Variants in SDK1 observed in about 807,000 individuals in gnomAD.
The protein encoded by SDK1 is sidekick cell adhesion molecule 1, also known as protein sidekick-1.
SDK1 carries 157 observed loss-of-function variants against 245.5 expected under a neutral mutation model. The observed-to-expected ratio is 0.64, with a 90% confidence interval of 0.56 to 0.73. The LOEUF is 0.73. SDK1 is among the 30% of genes least tolerant of loss of function. The probability of loss-of-function intolerance (pLI) is 0.00; values close to 1 mark genes in which losing one functional copy is unlikely to be tolerated. For synonymous variants in SDK1, 1,647 were observed against 1,278.5 expected (o/e 1.29, Z -6.15); for missense variants, 3,583 against 3,002.3 (o/e 1.19, Z -4.52).
Position 3,494,232 on chromosome 7 carries a change from C to A in SDK1, c.299-124848C>A, listed in dbSNP as rs73309923. Among the ~76,000 whole-genome samples, 1,284 of 152,158 alleles carry A rather than the reference C, an allele frequency of 8.4e-3. 23 individuals are homozygous for A. The highest frequency in any genetic ancestry group is 0.029 in the African/African-American group (1,208 of 41,490). Reference sequence around the variant, plus strand: ...GAGCTTTTATTTTGAGTCAGTGTTTCTATTTTATATATAGTTTTAATAACT... The same window carrying A: ...GAGCTTTTATTTTGAGTCAGTGTTTATATTTTATATATAGTTTTAATAACT... On this transcript the variant is annotated intron_variant, in intron 1 of 44. Transcript: ENST00000404826.
intron 14 of SDK1, among the ~76,000 whole-genome samples, chr7:3,996,600 T>C (rs990795420): frequency 3.9e-5 from 6 of 152,218 alleles, no homozygotes; most frequent in African/African-American, 1.4e-4. Context: ...TTTTGACTCA[T>C]TGCTACTGTA....
intron 1 of SDK1, among the ~76,000 whole-genome samples, chr7:3,356,299 G>C (rs1780792872): frequency 6.6e-6 from 1 of 152,266 alleles, no homozygotes; most frequent in Non-Finnish European, 1.5e-5. Flanking sequence ...GCATAAAGCA[G>C]ATGTACAGTT....
At chr7:3,713,525 T>TAAAAAAA (rs1785109494) in intron 4 of SDK1, among the ~76,000 whole-genome samples, 1 of 152,224 alleles carries the variant, frequency 6.6e-6, no homozygotes, top group Non-Finnish European at 1.5e-5. Flanking sequence ...CCCGCAGCAC[T>TAAAAAAA]GGCTTTTCTG....
rs1779696782 is a variant in SDK1, at chr7:3,317,626, A to T, written c.298+15742A>T. On this transcript the variant is annotated intron_variant, in intron 1 of 44. Transcript: ENST00000404826. ...CGTTTTTTCCTTCCCTACCTGTATT[A>T]AGATTTTCTACTTGCAGACTCTTCT... Among the ~76,000 whole-genome samples, 3 of 152,060 alleles carry T rather than the reference A, an allele frequency of 2.0e-5. No individual in the cohort carries two copies. In the South Asian group the frequency reaches 6.2e-4, roughly 32 times the overall value.
chr7:3,670,857 A>G (rs1237080371), intron 4 of SDK1, among the ~76,000 whole-genome samples: 4 of 152,220 alleles, frequency 2.6e-5, no homozygotes, highest in African/African-American at 9.6e-5. Flanking sequence ...GGTTTGTGAA[A>G]TAAATTAGAT....
intron 1 of SDK1, among the ~76,000 whole-genome samples, chr7:3,496,918 G>T (rs1288181741): frequency 6.6e-6 from 1 of 152,096 alleles, no homozygotes; most frequent in East Asian, 1.9e-4. Flanking sequence ...GAGGTCACCT[G>T]ATTTAATTGT....
At chr7:3,564,287 G>C (rs555936677) in intron 1 of SDK1, among the ~76,000 whole-genome samples, 1 of 152,100 alleles carries the variant, frequency 6.6e-6, no homozygotes, top group East Asian at 1.9e-4. Flanking sequence ...TTCTTTGAAA[G>C]ATAAGATAGA....
chr7:4,022,451 C>T lies in SDK1; in HGVS notation c.2602+5099C>T, dbSNP rs1786973212. On this transcript the variant is annotated intron_variant, in intron 17 of 44. Transcript: ENST00000404826. ...TGCCCGGGAAAGATGGTGCAGCGTG[C>T]GCTACCATTAGGCGGGTGTGGAACT... 2.6e-5 allele frequency among the ~76,000 whole-genome samples: 4 copies of T among 152,084 alleles called. No homozygotes were observed. In the South Asian group the frequency reaches 6.2e-4, roughly 24 times the overall value.
Position 3,890,305 on chromosome 7 carries a change from T to C in SDK1, c.848-60618T>C, listed in dbSNP as rs541260260. On this transcript the variant is annotated intron_variant, in intron 5 of 44. Coordinates refer to ENST00000404826, the MANE Select transcript of SDK1 (RefSeq NM_152744.4). ...TACAATGTGGTACAATCCAAATTGA[T>C]ACGTGCTATGTGTGAAATACACAGC... Among the ~76,000 whole-genome samples, 26 of 152,362 alleles carry C rather than the reference T, an allele frequency of 1.7e-4. No homozygotes were observed. The East Asian group carries it at 4.8e-3, about 28-fold the overall frequency.
intron 1 of SDK1, among the ~76,000 whole-genome samples, chr7:3,313,646 G>C (rs1449753964): frequency 6.6e-6 from 1 of 152,180 alleles, no homozygotes; most frequent in East Asian, 1.9e-4. Context: ...CAGATTAACG[G>C]ATTAGCGAGA....
At chr7:3,915,178 G>C (rs1779326531) in intron 5 of SDK1, among the ~76,000 whole-genome samples, 1 of 152,196 alleles carries the variant, frequency 6.6e-6, no homozygotes, top group Non-Finnish European at 1.5e-5. Context: ...AGCAGGGGTA[G>C]GATGAGCCAG....
At chr7:3,442,954 G>A (rs1340176207) in intron 1 of SDK1, among the ~76,000 whole-genome samples, 2 of 152,072 alleles carry the variant, frequency 1.3e-5, no homozygotes, top group East Asian at 3.8e-4. Context: ...CTCCCAAGAA[G>A]CCTGCTCTAT....
At chr7:4,230,665 AG>A (rs1785704045) in intron 40 of SDK1, among the ~76,000 whole-genome samples, 1 of 150,930 alleles carries the variant, frequency 6.6e-6, no homozygotes, top group Non-Finnish European at 1.5e-5. Context: ...TGATAGCTGG[AG>A]GGAAGGAAGG....
At chr7:4,122,935 C>G (rs1784160779) in intron 25 of SDK1, among the ~76,000 whole-genome samples, 2 of 152,168 alleles carry the variant, frequency 1.3e-5, no homozygotes, top group African/African-American at 4.8e-5. Flanking sequence ...CTGAACTCTG[C>G]CATTTTCTTT....
intron 35 of SDK1, among the ~76,000 whole-genome samples, chr7:4,199,744 C>G (rs1193232138): frequency 6.6e-6 from 1 of 152,206 alleles, no homozygotes; most frequent in Non-Finnish European, 1.5e-5. Context: ...CAGCCCCTCA[C>G]CTGGAGTGCT....
At chr7:3,847,421 C>G (rs1270817850) in intron 5 of SDK1, among the ~76,000 whole-genome samples, 1 of 152,188 alleles carries the variant, frequency 6.6e-6, no homozygotes, top group Non-Finnish European at 1.5e-5. Context: ...TTAGTATTTA[C>G]CGAGGCCTTT....
chr7:4,252,659 T>C (rs1787382016), intron 44 of SDK1, among the ~76,000 whole-genome samples: 1 of 152,218 alleles, frequency 6.6e-6, no homozygotes, highest in African/African-American at 2.4e-5. Flanking sequence ...TAGGGTAATA[T>C]TGGCCTTATT....
chr7:3,673,876 A>G (rs1229302226), intron 4 of SDK1, among the ~76,000 whole-genome samples: 2 of 152,246 alleles, frequency 1.3e-5, no homozygotes, highest in Non-Finnish European at 2.9e-5. Context: ...TGAGATTATT[A>G]TTGATGAACT....
chr7:3,803,539 G>A (rs1190843512), intron 4 of SDK1, among the ~76,000 whole-genome samples: 2 of 151,710 alleles, frequency 1.3e-5, no homozygotes, highest in South Asian at 2.1e-4. Flanking sequence ...TCAAACTCCT[G>A]ACCTCAAGTG....
Sources: gnomAD v4.1 joint callset for allele counts (sites outside exome capture counted in the v4.1 genomes callset) on GRCh38, gnomAD v4.1.1 for gene constraint, MANE v1.5 for transcripts, NCBI Gene and HGNC (gene_info 2026-07-23, HGNC 2026-07-21) for gene names.